CEP112: variants seen among roughly 807,000 people sequenced by gnomAD.
The protein encoded by CEP112 is centrosomal protein of 112 kDa.
In CEP112, 127 loss-of-function variants were observed where a neutral mutation model predicts 153.0. That is an observed-to-expected ratio of 0.83 (90% CI 0.72 to 0.96). The LOEUF (loss-of-function observed/expected upper bound fraction) is 0.96. CEP112 is among the 40% of genes least tolerant of loss of function. The pLI is 0.00. For synonymous variants in CEP112, 358 were observed against 374.4 expected, an observed-to-expected ratio of 0.96 and a Z score of 0.51; for missense variants, 1,089 against 1,101.2, an observed-to-expected ratio of 0.99 and a Z score of 0.16.
At position 65,871,715 on chromosome 17, in the gene CEP112, G is replaced by C. The variant is rs907667477; in HGVS notation, c.2164-19681C>G. On this transcript the variant is annotated intron_variant, in intron 20 of 26. Transcript: ENST00000535342. ...TCACTCTAATGCCATTAATGCATTG[G>C]TGTTGAATATCTCCAGGACAGCAAC... is the stretch of plus-strand genomic sequence containing the variant. 4.3e-4 allele frequency among the ~76,000 whole-genome samples: 66 copies of C among 152,176 alleles called. 2 individuals are homozygous for C. The highest frequency in any genetic ancestry group is 2.4e-4 in the Non-Finnish European group (16 of 68,040).
At chr17:66,021,468 A>C (rs2145623716) in intron 16 of CEP112, among the ~76,000 whole-genome samples, 1 of 152,330 alleles carries the variant, frequency 6.6e-6, no homozygotes, top group East Asian at 1.9e-4. Flanking sequence ...GGCCACAGGC[A>C]GCTTTGAAAA....
intron 17 of CEP112, among the ~76,000 whole-genome samples, chr17:65,977,492 T>C (rs1000108216): frequency 2.6e-5 from 4 of 152,202 alleles, no homozygotes; most frequent in African/African-American, 9.6e-5. Flanking sequence ...AAGCTCTTTG[T>C]ACCTCAGAAC....
At chr17:66,055,090 T>C (rs2066624770) in intron 11 of CEP112, among the ~76,000 whole-genome samples, 1 of 151,796 alleles carries the variant, frequency 6.6e-6, no homozygotes, top group African/African-American at 2.4e-5. Context: ...TACCTATAAA[T>C]AGGGAAGAGA....
intron 6 of CEP112, among the ~76,000 whole-genome samples, chr17:66,112,553 C>T (rs1444911243): frequency 1.3e-5 from 2 of 152,082 alleles, no homozygotes; most frequent in Non-Finnish European, 2.9e-5. Flanking sequence ...CTAGTGGGTA[C>T]ATGAATTGGT....
chr17:65,792,271 C>A (rs1450756825), intron 21 of CEP112, among the ~76,000 whole-genome samples: 7 of 152,118 alleles, frequency 4.6e-5, no homozygotes, highest in African/African-American at 1.7e-4. Context: ...AAGAAAAAAA[C>A]CTTCTGGCAC....
At chr17:66,134,322 G>A (rs1251099999) in intron 4 of CEP112, among the ~76,000 whole-genome samples, 11 of 151,912 alleles carry the variant, frequency 7.2e-5, no homozygotes, top group African/African-American at 4.8e-5. Context: ...TTACCCTCAC[G>A]ATAAATTTTC....
intron 21 of CEP112, among the ~76,000 whole-genome samples, chr17:65,809,856 G>C (rs1057351066): frequency 2.6e-5 from 4 of 152,048 alleles, no homozygotes; most frequent in African/African-American, 4.8e-5. Flanking sequence ...AGGAAGTGGG[G>C]GGGGGAAGAT....
chr17:65,991,747 A>T (rs1012642581), intron 17 of CEP112, among the ~76,000 whole-genome samples: 14 of 151,862 alleles, frequency 9.2e-5, no homozygotes, highest in African/African-American at 3.4e-4. Context: ...CCTTAATTCA[A>T]TTTTTTTTCC....
chr17:65,650,081 T>C (rs780616899), intron 24 of CEP112, among the ~76,000 whole-genome samples: 2 of 152,226 alleles, frequency 1.3e-5, no homozygotes, highest in African/African-American at 4.8e-5. Context: ...ATACCAGACA[T>C]GTTTGCTTTC....
At chr17:65,780,963 T>G (rs528505407) in intron 21 of CEP112, among the ~76,000 whole-genome samples, 1 of 152,274 alleles carries the variant, frequency 6.6e-6, no homozygotes, top group East Asian at 1.9e-4. Context: ...AAAAAAGTAA[T>G]GTATATTAAT....
intron 23 of CEP112, among the ~76,000 whole-genome samples, chr17:65,710,971 T>C (rs1221905271): frequency 6.6e-6 from 1 of 152,236 alleles, no homozygotes; most frequent in Non-Finnish European, 1.5e-5. Flanking sequence ...AACAGGTTCA[T>C]GTAATGACAG....
intron 4 of CEP112, among the ~76,000 whole-genome samples, chr17:66,158,566 C>T (rs752371379): frequency 2.0e-5 from 3 of 151,964 alleles, no homozygotes; most frequent in Non-Finnish European, 4.4e-5. Context: ...CAGCCGAGAT[C>T]GCGCCACTGC....
intron 21 of CEP112, among the ~76,000 whole-genome samples, chr17:65,755,746 G>A (rs568475465): frequency 6.6e-6 from 1 of 152,032 alleles, no homozygotes; most frequent in South Asian, 2.1e-4. Context: ...AGATGAATGA[G>A]GTTGTCATTA....
At position 65,864,432 on chromosome 17, in the gene CEP112, G is replaced by C. The variant is rs146448377; in HGVS notation, c.2164-12398C>G. ...CAAGCTCCTGACTTCCTCATCACTG[G>C]AAATTTCTTCCCACAGTGAAAGGGC... On this transcript the variant is annotated intron_variant, in intron 20 of 26. Coordinates refer to ENST00000535342, the MANE Select transcript of CEP112 (RefSeq NM_001199165.4). Among the ~76,000 whole-genome samples, 443 of 152,250 alleles carry C rather than the reference G, an allele frequency of 2.9e-3. 2 individuals are homozygous for C. Among genetic ancestry groups the C allele is most frequent in the African/African-American group, 0.01 (417 of 41,556 alleles).
intron 21 of CEP112, among the ~76,000 whole-genome samples, chr17:65,833,385 AC>A (rs1419132368): frequency 2.6e-5 from 4 of 152,164 alleles, no homozygotes; most frequent in African/African-American, 9.6e-5. Context: ...GAAATAAAGG[AC>A]ATCCGAATAA....
intron 6 of CEP112, among the ~76,000 whole-genome samples, chr17:66,110,890 A>G (rs1359282444): frequency 6.6e-6 from 1 of 152,166 alleles, no homozygotes; most frequent in African/African-American, 2.4e-5. Context: ...GCTTCTGCAC[A>G]TCTGCACAGC....
chr17:65,738,952 G>T (rs2050959665), intron 23 of CEP112, among the ~76,000 whole-genome samples: 1 of 152,138 alleles, frequency 6.6e-6, no homozygotes, highest in Non-Finnish European at 1.5e-5. Context: ...CCTAGATTCT[G>T]GGCTGGCCCT....
At chr17:65,754,619 A>ATAAAATAAGATAAAATAAG (rs1316672983) in intron 21 of CEP112, among the ~76,000 whole-genome samples, 2 of 147,680 alleles carry the variant, frequency 1.4e-5, no homozygotes, top group African/African-American at 5.4e-5. Flanking sequence ...AATAAAATAA[A>ATAAAATAAGATAAAATAAG]ATAAAATAAG....
chr17:66,182,925 T>C (rs2072776268), intron 2 of CEP112, among the ~76,000 whole-genome samples: 1 of 152,076 alleles, frequency 6.6e-6, no homozygotes, highest in African/African-American at 2.4e-5. Context: ...AGAAAAAAGG[T>C]TGTAGCTAAC....
Sources: gnomAD v4.1 joint callset for allele counts (sites outside exome capture counted in the v4.1 genomes callset) on GRCh38, gnomAD v4.1.1 for gene constraint, MANE v1.5 for transcripts, NCBI Gene and HGNC (gene_info 2026-07-23, HGNC 2026-07-21) for gene names.